Variants in TULP4 observed in about 807,000 individuals in gnomAD.
TULP4 encodes the protein tubby-related protein 4.
Under a neutral mutation model 129.0 loss-of-function variants are expected in TULP4, and 16 were observed. The observed-to-expected ratio is 0.12, with a 90% confidence interval of 0.08 to 0.19. The LOEUF (loss-of-function observed/expected upper bound fraction) is 0.19, where lower values mean the gene tolerates loss of function less well. TULP4 is among the 10% of genes least tolerant of loss of function. TULP4 has a pLI of 1.00. For synonymous variants in TULP4, 998 were observed against 854.0 expected (o/e 1.17, Z -2.94); for missense variants, 1,842 against 2,059.1 (o/e 0.89, Z 2.04).
chr6:158,273,263 G>A (rs193275180), intron 1 of TULP4, among the ~76,000 whole-genome samples: 4 of 152,298 alleles, frequency 2.6e-5, no homozygotes, highest in Admixed American at 2.0e-4. Context: ...TTGCTCAGGT[G>A]TTGAGACTCC....
At chr6:158,339,449 C>T (rs927883313) in intron 1 of TULP4, among the ~76,000 whole-genome samples, 2 of 152,166 alleles carry the variant, frequency 1.3e-5, no homozygotes, top group Non-Finnish European at 2.9e-5. Context: ...CTAGAATTCG[C>T]CAGGCTGGAA....
intron 1 of TULP4, among the ~76,000 whole-genome samples, chr6:158,355,466 C>G (rs994898335): frequency 1.5e-4 from 23 of 152,078 alleles, no homozygotes; most frequent in African/African-American, 5.6e-4. Flanking sequence ...GACAAGGAAG[C>G]TGGAAGAGTG....
intron 1 of TULP4, among the ~76,000 whole-genome samples, chr6:158,248,774 A>G (rs936498473): frequency 2.6e-5 from 4 of 152,108 alleles, no homozygotes; most frequent in African/African-American, 9.7e-5. Context: ...AAGTAAATAA[A>G]TAAATAAATA....
chr6:158,307,704 A>T (rs1208366353), upstream of TULP4, among the ~76,000 whole-genome samples: 1 of 152,102 alleles, frequency 6.6e-6, no homozygotes, highest in Non-Finnish European at 1.5e-5. Flanking sequence ...CCCGGTCTCG[A>T]ACTCCTAACC....
intron 1 of TULP4, among the ~76,000 whole-genome samples, chr6:158,256,813 C>A (rs566920013): frequency 5.9e-5 from 9 of 152,232 alleles, no homozygotes; most frequent in South Asian, 2.1e-4. Flanking sequence ...AGACTTCCCC[C>A]CTATGCTTTT....
rs569509686 is a variant in TULP4, at chr6:158,320,922, C to T, written c.252+6654C>T. ...TACACTTAACAGACTTCTCTGGTTG[C>T]GCTGATCATGCTTTATTATAGTTAT... On this transcript the variant is annotated intron_variant, in intron 1 of 13. Coordinates refer to ENST00000367097, the MANE Select transcript of TULP4 (RefSeq NM_020245.5). 1.8e-4 allele frequency among the ~76,000 whole-genome samples: 27 copies of T among 152,268 alleles called. No homozygotes were observed. The South Asian group carries it at 3.9e-3, about 22-fold the overall frequency.
At chr6:158,397,299 T>C (rs751818692) in intron 1 of TULP4, among the ~76,000 whole-genome samples, 6 of 152,210 alleles carry the variant, frequency 3.9e-5, no homozygotes, top group Non-Finnish European at 8.8e-5. Flanking sequence ...AGGCACAGGA[T>C]ACCATCACAC....
chr6:158,345,591 T>G (rs952673936), intron 1 of TULP4, among the ~76,000 whole-genome samples: 6 of 151,320 alleles, frequency 4.0e-5, no homozygotes, highest in African/African-American at 1.2e-4. Flanking sequence ...AAAAGGGGAG[T>G]GGGTGTAAGA....
At chr6:158,295,585 G>A (rs1779013377) in intron 1 of TULP4, among the ~76,000 whole-genome samples, 1 of 148,206 alleles carries the variant, frequency 6.7e-6, no homozygotes, top group African/African-American at 2.6e-5. Context: ...CTACCACCCA[G>A]GTAAAGAAAT....
At chr6:158,355,861 G>A (rs947753283) in intron 1 of TULP4, among the ~76,000 whole-genome samples, 3 of 152,164 alleles carry the variant, frequency 2.0e-5, no homozygotes, top group African/African-American at 7.2e-5. Context: ...TTAATCTCAA[G>A]AACATTATAC....
Position 158,423,130 on chromosome 6 carries a change from G to A in TULP4, c.382-6606G>A, listed in dbSNP as rs993687995. Among the ~76,000 whole-genome samples, 5 of 151,274 alleles carry A rather than the reference G, an allele frequency of 3.3e-5. No homozygotes were observed. In the South Asian group the frequency reaches 6.3e-4, roughly 19 times the overall value. Reference sequence around the variant, plus strand: ...CTTCCTCCACAAAAAAGAGGGGGGGGGGGGGAAAGAAACCTTCCCAGGACC... The same window carrying A: ...CTTCCTCCACAAAAAAGAGGGGGGGAGGGGGAAAGAAACCTTCCCAGGACC... On this transcript the variant is annotated intron_variant, in intron 2 of 13. Coordinates refer to ENST00000367097, the MANE Select transcript of TULP4 (RefSeq NM_020245.5).
intron 1 of TULP4, among the ~76,000 whole-genome samples, chr6:158,405,896 T>C (rs1372201367): frequency 1.3e-5 from 2 of 152,238 alleles, no homozygotes; most frequent in East Asian, 3.8e-4. Context: ...TGTGATTTTA[T>C]TTTCTTTCCT....
chr6:158,399,873 G>A (rs543556578), intron 1 of TULP4, among the ~76,000 whole-genome samples: 80 of 152,184 alleles, frequency 5.3e-4, no homozygotes, highest in African/African-American at 1.8e-3. Context: ...GGATTTTGAC[G>A]AAAGAACACT....
At chr6:158,268,181 A>G (rs1778485788) in intron 1 of TULP4, among the ~76,000 whole-genome samples, 1 of 151,500 alleles carries the variant, frequency 6.6e-6, no homozygotes, top group African/African-American at 2.4e-5. Flanking sequence ...GATTACAGGC[A>G]TGCACCACCA....
At chr6:158,450,141 T>C (rs341138) in intron 4 of TULP4, among the ~76,000 whole-genome samples, 63,364 of 152,012 alleles carry the variant, frequency 0.42, 14,496 homozygotes, top group African/African-American at 0.62. Flanking sequence ...GCTGTAACCA[T>C]CTCGTTTTGG....
chr6:158,497,295 T>A (rs866543481), intron 11 of TULP4, among the ~76,000 whole-genome samples: 1 of 152,252 alleles, frequency 6.6e-6, no homozygotes, highest in Non-Finnish European at 1.5e-5. Context: ...CCCCATTAAA[T>A]AATCTTTTCA....
At position 158,236,795 on chromosome 6, in the gene TULP4, C is replaced by CTTTTTTTTTTTTTT. The variant is rs71030149; in HGVS notation, n.68+4515_68+4528dup. On this transcript the variant is annotated intron_variant and non_coding_transcript_variant, in intron 1 of 1. Transcript: ENST00000620026. The stretch of plus-strand genomic sequence containing the variant: ...AGATGGGTAAATGCCCAATTCTTTT[C>CTTTTTTTTTTTTTT]TTTTTTTTTTTTTTTTTTTTTTTTT... Among the ~76,000 whole-genome samples, 162 of 63,266 alleles carry CTTTTTTTTTTTTTT rather than the reference C, an allele frequency of 2.6e-3. 32 individuals carry two copies. The highest frequency in any genetic ancestry group is 3.2e-3 in the East Asian group (10 of 3,078). 41.5% of individuals were successfully genotyped at this position (63,266 alleles called of 152,430 possible).
At chr6:158,235,207 A>G (rs1777666797) in intron 1 of TULP4, among the ~76,000 whole-genome samples, 1 of 151,952 alleles carries the variant, frequency 6.6e-6, no homozygotes, top group Admixed American at 6.6e-5. Context: ...TTAAATTTTC[A>G]GTGTACAGTT....
intron 1 of TULP4, among the ~76,000 whole-genome samples, chr6:158,323,467 C>T (rs1779680330): frequency 6.6e-6 from 1 of 152,212 alleles, no homozygotes; most frequent in Non-Finnish European, 1.5e-5. Context: ...ATTAATGACT[C>T]ATTTTATGCA....
Sources: gnomAD v4.1 joint callset for allele counts (sites outside exome capture counted in the v4.1 genomes callset) on GRCh38, gnomAD v4.1.1 for gene constraint, MANE v1.5 for transcripts, NCBI Gene and HGNC (gene_info 2026-07-23, HGNC 2026-07-21) for gene names.